HTR7: variants seen among roughly 807,000 people sequenced by gnomAD.
The protein encoded by HTR7 is 5-HT-7.
A neutral mutation model predicts 34.0 loss-of-function variants in HTR7; 16 were observed. The observed-to-expected ratio is 0.47, with a 90% confidence interval of 0.32 to 0.71. The LOEUF is 0.71. Ranked by LOEUF, HTR7 falls within the 30% of genes least tolerant of loss-of-function variation. The pLI is 0.04. For synonymous variants in HTR7, 265 were observed against 260.2 expected (o/e 1.02, Z -0.18); for missense variants, 504 against 625.5 (o/e 0.81, Z 2.07).
chr10:90,821,593 T>C (rs988879547), intron 1 of HTR7, among the ~76,000 whole-genome samples: 4 of 152,186 alleles, frequency 2.6e-5, no homozygotes, highest in African/African-American at 4.8e-5. Flanking sequence ...CAATTCCTAG[T>C]GCTGTGCTGG....
At position 90,753,103 on chromosome 10, in the gene HTR7, C is replaced by T. The variant is rs78586886; in HGVS notation, c.540-3509G>A. On this transcript the variant is annotated intron_variant, in intron 1 of 3. Transcript: ENST00000336152. ...ACTAGAAATCTAAATGGCAATATCA[C>T]AATATTCACAGATTTCCTACAGGTC... is the stretch of plus-strand genomic sequence containing the variant. 1.6e-3 allele frequency among the ~76,000 whole-genome samples: 249 copies of T among 152,270 alleles called. 2 individuals are homozygous for T. Among genetic ancestry groups the T allele is most frequent in the African/African-American group, 5.8e-3 (242 of 41,552 alleles).
intron 1 of HTR7, among the ~76,000 whole-genome samples, chr10:90,753,452 T>C (rs897690525): frequency 2.0e-5 from 3 of 152,128 alleles, no homozygotes; most frequent in African/African-American, 7.2e-5. Context: ...AATAAAGAGA[T>C]GCACATTTTA....
At chr10:90,762,712 A>G (rs1304506348) in intron 1 of HTR7, among the ~76,000 whole-genome samples, 1 of 152,164 alleles carries the variant, frequency 6.6e-6, no homozygotes, top group Admixed American at 6.5e-5. Context: ...CACTGCCAAT[A>G]TCGATATAAA....
At chr10:90,839,816 T>A (rs886345022) in intron 1 of HTR7, among the ~76,000 whole-genome samples, 1 of 152,124 alleles carries the variant, frequency 6.6e-6, no homozygotes, top group Non-Finnish European at 1.5e-5. Flanking sequence ...AACAACACAA[T>A]TGTTTGCAAC....
At position 90,840,175 on chromosome 10, in the gene HTR7, TCTCACA is replaced by T. The variant is rs1421583309; in HGVS notation, c.539+16952_539+16957del. On this transcript the variant is annotated intron_variant, in intron 1 of 3. Coordinates refer to ENST00000336152, the MANE Select transcript of HTR7 (RefSeq NM_019859.4). ...CTCTCCATCTGTTTCTCTCTCTCTCTCTCACACACACACACACACACACACACACAC... is the reference window on the plus strand; with the variant it reads ...CTCTCCATCTGTTTCTCTCTCTCTCTCACACACACACACACACACACACAC... Among the ~76,000 whole-genome samples, 3 of 122,602 alleles carry T rather than the reference TCTCACA, an allele frequency of 2.4e-5. No individual in the cohort carries two copies. The East Asian group carries it at 7.2e-4, about 29-fold the overall frequency. 80.4% of individuals were successfully genotyped at this position (122,602 alleles called of 152,430 possible).
At chr10:90,839,115 G>C (rs1338086773) in intron 1 of HTR7, among the ~76,000 whole-genome samples, 1 of 152,208 alleles carries the variant, frequency 6.6e-6, no homozygotes, top group African/African-American at 2.4e-5. Flanking sequence ...CTAAGGAGTT[G>C]CTAATAAAGG....
chr10:90,813,087 C>A (rs924647807), intron 1 of HTR7, among the ~76,000 whole-genome samples: 1 of 151,718 alleles, frequency 6.6e-6, no homozygotes, highest in East Asian at 1.9e-4. Context: ...AGAGAACAAA[C>A]CCCCTTTGAC....
intron 1 of HTR7, among the ~76,000 whole-genome samples, chr10:90,767,846 G>C (rs1845047264): frequency 6.6e-6 from 1 of 152,030 alleles, no homozygotes; most frequent in Admixed American, 6.5e-5. Context: ...GGCTTCCCAG[G>C]GGGAGTTTTC....
intron 1 of HTR7, among the ~76,000 whole-genome samples, chr10:90,824,931 G>A (rs1000826034): frequency 6.0e-4 from 92 of 152,366 alleles, no homozygotes; most frequent in African/African-American, 2.1e-3. Context: ...CCCTGAAGGG[G>A]AAGGCTGGCT....
intron 1 of HTR7, among the ~76,000 whole-genome samples, chr10:90,800,254 A>C (rs186089646): frequency 6.6e-6 from 1 of 152,354 alleles, no homozygotes; most frequent in African/African-American, 2.4e-5. Flanking sequence ...TAGAAAGTCA[A>C]ACACACATCT....
chr10:90,806,337 G>A (rs571561120), intron 1 of HTR7, among the ~76,000 whole-genome samples: 10 of 152,244 alleles, frequency 6.6e-5, no homozygotes, highest in African/African-American at 1.9e-4. Context: ...GGTGGCTCAC[G>A]CCTGTAATCC....
At chr10:90,805,810 G>C (rs1845696690) in intron 1 of HTR7, among the ~76,000 whole-genome samples, 1 of 152,096 alleles carries the variant, frequency 6.6e-6, no homozygotes, top group African/African-American at 2.4e-5. Flanking sequence ...CTAATCAATA[G>C]GCTTAAAGGA....
chr10:90,828,968 T>C (rs952848644), intron 1 of HTR7, among the ~76,000 whole-genome samples: 1 of 151,586 alleles, frequency 6.6e-6, no homozygotes, highest in African/African-American at 2.4e-5. Flanking sequence ...CAGGCTAATA[T>C]CCCTGATGAA....
intron 1 of HTR7, among the ~76,000 whole-genome samples, chr10:90,848,283 A>C (rs1377586355): frequency 6.6e-6 from 1 of 152,112 alleles, no homozygotes; most frequent in Non-Finnish European, 1.5e-5. Flanking sequence ...GCTGGTCTCG[A>C]ACTCCAGACC....
intron 1 of HTR7, among the ~76,000 whole-genome samples, chr10:90,753,110 C>T (rs1211570819): frequency 6.6e-6 from 1 of 152,144 alleles, no homozygotes; most frequent in East Asian, 1.9e-4. Flanking sequence ...TCACAATATT[C>T]ACAGATTTCC....
At chr10:90,784,727 G>A in intron 1 of HTR7, among the ~76,000 whole-genome samples, 1 of 152,134 alleles carries the variant, frequency 6.6e-6, no homozygotes, top group East Asian at 1.9e-4. Context: ...ATCCTATGTG[G>A]AGCCAACACA....
intron 1 of HTR7, among the ~76,000 whole-genome samples, chr10:90,779,053 G>A (rs963639950): frequency 6.6e-6 from 1 of 152,178 alleles, no homozygotes; most frequent in Non-Finnish European, 1.5e-5. Context: ...CCACCATGAA[G>A]GGAGAGAACT....
intron 1 of HTR7, among the ~76,000 whole-genome samples, chr10:90,790,260 G>A (rs146569074): frequency 2.0e-5 from 3 of 152,114 alleles, no homozygotes; most frequent in Non-Finnish European, 4.4e-5. Flanking sequence ...TTAATACAAG[G>A]GAGACCCCAA....
Position 90,759,872 on chromosome 10 carries a change from A to C in HTR7, c.540-10278T>G, listed in dbSNP as rs139391735. On this transcript the variant is annotated intron_variant, in intron 1 of 3. Transcript: ENST00000336152. ...CTAATCAATTCAACTTTCAAAGTAG[A>C]GATCAACTGATACTGCCTAAAGTTG... is the stretch of plus-strand genomic sequence containing the variant. Among the ~76,000 whole-genome samples the C allele has an allele frequency of 3.0e-3, 456 of 152,310 alleles. 4 individuals carry two copies. The highest frequency in any genetic ancestry group is 0.01 in the African/African-American group (436 of 41,580).
Sources: allele counts gnomAD v4.1 joint callset (sites outside exome capture counted in the v4.1 genomes callset), GRCh38; gene constraint gnomAD v4.1.1; transcripts MANE v1.5; gene names NCBI Gene and HGNC (gene_info 2026-07-23, HGNC 2026-07-21).